The following IL1RAPL2 variants were observed in gnomAD, a reference collection of about 807,000 sequenced individuals.
The protein encoded by IL1RAPL2 is X-linked interleukin-1 receptor accessory protein-like 2.
IL1RAPL2 carries 3 observed loss-of-function variants against 44.1 expected under a neutral mutation model. The ratio of observed to expected loss-of-function variants is 0.07; its 90% CI spans 0.03 to 0.18. IL1RAPL2 has a LOEUF of 0.18. Among genes scored for constraint, IL1RAPL2 ranks in the 10% least tolerant of loss-of-function variants. The pLI is 1.00. For missense variants in IL1RAPL2, 391 were observed against 496.4 expected (o/e 0.79, Z 2.02); for synonymous variants, 181 against 178.8 (o/e 1.01, Z -0.10).
chrX:104,706,637 C>T (rs187705931), intron 2 of IL1RAPL2, among the ~76,000 whole-genome samples: 1 of 112,146 alleles, frequency 8.9e-6, no homozygotes, highest in African/African-American at 3.2e-5. Flanking sequence ...AATTTCAAGC[C>T]AGCTGAAGTT....
At chrX:104,911,545 C>G (rs1265129153) in intron 2 of IL1RAPL2, among the ~76,000 whole-genome samples, 1 of 111,711 alleles carries the variant, frequency 9.0e-6, no homozygotes, top group Non-Finnish European at 1.9e-5. Context: ...GTCTTCACTA[C>G]CACCATAGGC....
chrX:105,103,681 G>T (rs2032700606), intron 2 of IL1RAPL2, among the ~76,000 whole-genome samples: 1 of 111,720 alleles, frequency 9.0e-6, no homozygotes, highest in African/African-American at 3.3e-5. Context: ...ACAACTTGAT[G>T]GTGGTCAAAG....
chrX:105,469,198 A>C (rs2036150154), intron 5 of IL1RAPL2, among the ~76,000 whole-genome samples: 1 of 111,425 alleles, frequency 9.0e-6, no homozygotes, highest in Non-Finnish European at 1.9e-5. Flanking sequence ...GATAGATTAG[A>C]TTGTGTCCAA....
intron 2 of IL1RAPL2, among the ~76,000 whole-genome samples, chrX:105,019,897 A>G (rs774597138): frequency 9.0e-6 from 1 of 111,406 alleles, no homozygotes; most frequent in East Asian, 2.9e-4. Flanking sequence ...GATCAGGGGA[A>G]AGGTCCCAGA....
chrX:104,812,043 G>T (rs1225176010), intron 2 of IL1RAPL2, among the ~76,000 whole-genome samples: 1 of 111,201 alleles, frequency 9.0e-6, no homozygotes, highest in South Asian at 3.9e-4. Context: ...TACTATGATG[G>T]CAGGAAGGGC....
intron 2 of IL1RAPL2, among the ~76,000 whole-genome samples, chrX:105,181,891 C>T (rs1207864113): frequency 2.8e-5 from 3 of 108,144 alleles, no homozygotes; most frequent in South Asian, 4.1e-4. Context: ...GGTGAAACCC[C>T]GTCTCTACTA....
intron 6 of IL1RAPL2, among the ~76,000 whole-genome samples, chrX:105,567,006 C>T (rs1009972740): frequency 2.7e-5 from 3 of 111,191 alleles, no homozygotes; most frequent in African/African-American, 9.8e-5. Flanking sequence ...TTTAGGGAAA[C>T]GGTACAGCAG....
At chrX:105,648,900 G>A (rs1403483802) in intron 6 of IL1RAPL2, among the ~76,000 whole-genome samples, 2 of 111,244 alleles carry the variant, frequency 1.8e-5, no homozygotes, top group African/African-American at 3.3e-5. Flanking sequence ...CAGTGTGGTC[G>A]CAGAGCCCTA....
intron 5 of IL1RAPL2, among the ~76,000 whole-genome samples, chrX:105,414,191 G>T (rs1239505487): frequency 9.1e-6 from 1 of 110,346 alleles, no homozygotes; most frequent in Non-Finnish European, 1.9e-5. Context: ...GCAGTGGCGC[G>T]ATCTCGGCTC....
intron 2 of IL1RAPL2, among the ~76,000 whole-genome samples, chrX:104,676,630 A>C (rs1281758100): frequency 9.0e-6 from 1 of 111,352 alleles, no homozygotes; most frequent in Non-Finnish European, 1.9e-5. Context: ...GTATTTCCTG[A>C]ATCTGAACAT....
intron 2 of IL1RAPL2, among the ~76,000 whole-genome samples, chrX:105,026,046 G>A (rs181974202): frequency 2.7e-5 from 3 of 110,726 alleles, no homozygotes; most frequent in Non-Finnish European, 5.7e-5. Flanking sequence ...AGGAATCTGC[G>A]GAAAAGCATT....
chrX:104,931,338 A>T (rs1055458760), intron 2 of IL1RAPL2, among the ~76,000 whole-genome samples: 4 of 104,738 alleles, frequency 3.8e-5, no homozygotes, highest in Admixed American at 1.0e-4. Context: ...GAAGCACGGG[A>T]TTGCACTGTT....
chrX:105,173,728 CT>C lies in IL1RAPL2; in HGVS notation c.83-21732del, dbSNP rs371654989. 8.2e-3 allele frequency among the ~76,000 whole-genome samples: 813 copies of C among 99,090 alleles called. 6 individuals are homozygous for C. The highest frequency in any genetic ancestry group is 0.024 in the African/African-American group (635 of 27,021). 86.0% of individuals were successfully genotyped at this position (99,090 alleles called of 115,157 possible). A position where few individuals can be genotyped will look rare whatever the true frequency, so the allele number is the denominator to read the frequency against. The stretch of plus-strand genomic sequence containing the variant: ...ATACCTAGAGTTCTAACTGCTGCTT[CT>C]TTTTTTTTTTTTTTCTTGTTTGAGA... On this transcript the variant is annotated intron_variant, in intron 2 of 10. Transcript: ENST00000372582.
intron 2 of IL1RAPL2, among the ~76,000 whole-genome samples, chrX:104,838,463 G>A (rs998842779): frequency 9.0e-6 from 1 of 111,283 alleles, no homozygotes; most frequent in Non-Finnish European, 1.9e-5. Flanking sequence ...GTATGCCTAT[G>A]TATTTCATTC....
chrX:104,911,045 G>A (rs1423882120), intron 2 of IL1RAPL2, among the ~76,000 whole-genome samples: 1 of 111,402 alleles, frequency 9.0e-6, no homozygotes, highest in African/African-American at 3.3e-5. Flanking sequence ...CAAATGATAT[G>A]GACATATTAA....
intron 6 of IL1RAPL2, among the ~76,000 whole-genome samples, chrX:105,588,696 C>T (rs1188527912): frequency 2.7e-5 from 3 of 111,812 alleles, no homozygotes; most frequent in Non-Finnish European, 5.6e-5. Flanking sequence ...TAGCTCCATC[C>T]ATGTTGCTGC....
At chrX:104,609,902 A>G (rs1310111417) in intron 1 of IL1RAPL2, among the ~76,000 whole-genome samples, 1 of 111,080 alleles carries the variant, frequency 9.0e-6, no homozygotes, top group Non-Finnish European at 1.9e-5. Flanking sequence ...GCTGGAGAGG[A>G]GTTGTGATCC....
At chrX:105,075,044 G>C (rs1353202895) in intron 2 of IL1RAPL2, among the ~76,000 whole-genome samples, 7 of 111,025 alleles carry the variant, frequency 6.3e-5, no homozygotes, top group Non-Finnish European at 1.3e-4. Flanking sequence ...TCCTTCTCCT[G>C]CCTGATTGCC....
intron 2 of IL1RAPL2, among the ~76,000 whole-genome samples, chrX:104,797,473 T>A (rs1932858117): frequency 9.0e-6 from 1 of 111,559 alleles, no homozygotes; most frequent in African/African-American, 3.3e-5. Context: ...AATTGGGAAA[T>A]GATTCATGCT....
Sources: gnomAD v4.1 joint callset for allele counts (sites outside exome capture counted in the v4.1 genomes callset) on GRCh38, gnomAD v4.1.1 for gene constraint, MANE v1.5 for transcripts, NCBI Gene and HGNC (gene_info 2026-07-23, HGNC 2026-07-21) for gene names.